PARN: variants seen among roughly 807,000 people sequenced by gnomAD.
The protein encoded by PARN is poly(A)-specific ribonuclease, also known as poly(A)-specific ribonuclease PARN.
PARN carries 71 observed loss-of-function variants against 102.8 expected under a neutral mutation model. That is an observed-to-expected ratio of 0.69 (90% CI 0.57 to 0.84). PARN has a LOEUF of 0.84. PARN is among the 40% of genes least tolerant of loss of function. The probability of loss-of-function intolerance (pLI) is 0.00; values close to 1 mark genes in which losing one functional copy is unlikely to be tolerated. For synonymous variants in PARN, 261 were observed against 252.9 expected (o/e 1.03, Z -0.30); for missense variants, 782 against 760.9 (o/e 1.03, Z -0.33).
intron 21 of PARN, among the ~76,000 whole-genome samples, chr16:14,487,872 G>C (rs182289417): frequency 2.0e-5 from 3 of 151,976 alleles, no homozygotes; most frequent in Non-Finnish European, 4.4e-5. Flanking sequence ...CACCAAAGAC[G>C]GTCACTTTAT....
chr16:14,541,656 T>C (rs978006645), intron 21 of PARN, among the ~76,000 whole-genome samples: 10 of 152,030 alleles, frequency 6.6e-5, no homozygotes, highest in African/African-American at 1.9e-4. Flanking sequence ...TTCTATTTTT[T>C]AGTAGAGACG....
chr16:14,615,502 T>G (rs986648590), intron 6 of PARN, among the ~76,000 whole-genome samples: 6 of 152,140 alleles, frequency 3.9e-5, no homozygotes, highest in Non-Finnish European at 7.4e-5. Flanking sequence ...GCTCTGCTGG[T>G]TCAGTCACTA....
intron 5 of PARN, among the ~76,000 whole-genome samples, chr16:14,619,179 A>C (rs1334769898): frequency 6.6e-6 from 1 of 152,066 alleles, no homozygotes; most frequent in Non-Finnish European, 1.5e-5. Context: ...CTCCAGCCTG[A>C]GTGACAAAGT....
At chr16:14,511,658 C>G (rs749852313) in intron 21 of PARN, among the ~76,000 whole-genome samples, 3 of 151,972 alleles carry the variant, frequency 2.0e-5, no homozygotes, top group Non-Finnish European at 2.9e-5. Flanking sequence ...CCATGTATAC[C>G]CGAAAGGTTA....
At chr16:14,477,952 G>A (rs1165435404) in intron 22 of PARN, among the ~76,000 whole-genome samples, 1 of 152,148 alleles carries the variant, frequency 6.6e-6, no homozygotes, top group Non-Finnish European at 1.5e-5. Context: ...ATACTTCATA[G>A]CCAAGTGGGA....
rs568136699 is a variant in PARN, at chr16:14,626,107, GT to G, written c.327+998del. ...TCTCTTCTCCTCAAGAGAAACAGTA[GT>G]TTTTTTTTCTACCCCCCTTTCCTAA... On this transcript the variant is annotated intron_variant, in intron 5 of 23. Transcript: ENST00000437198. 8.4e-4 allele frequency among the ~76,000 whole-genome samples: 128 copies of G among 151,686 alleles called. 1 individual carries two copies. Among genetic ancestry groups the G allele is most frequent in the East Asian group, 7.7e-3 (40 of 5,178 alleles).
At chr16:14,455,364 T>G (rs1961630983) in intron 22 of PARN, among the ~76,000 whole-genome samples, 1 of 152,194 alleles carries the variant, frequency 6.6e-6, no homozygotes. Flanking sequence ...TTTTCCTAAT[T>G]CAAATTTTAT....
intron 18 of PARN, among the ~76,000 whole-genome samples, chr16:14,560,813 T>A (rs961503847): frequency 6.6e-6 from 1 of 152,190 alleles, no homozygotes; most frequent in Non-Finnish European, 1.5e-5. Flanking sequence ...CCATTACCCA[T>A]GTGCTGGGTG....
chr16:14,610,746 G>T lies in PARN; in HGVS notation c.452C>A (p.Ser151Ter). 1 of 1,609,454 alleles carries T rather than the reference G, an allele frequency of 6.2e-7. No homozygotes were observed. Among genetic ancestry groups the T allele is most frequent in the Non-Finnish European group, 8.5e-7 (1 of 1,175,794 alleles). Residue 151 changes from serine (S) to a stop codon, truncating the protein, a stop_gained, in exon 7 of 24, where the codon TCA (serine) becomes TAA (stop). Transcript: ENST00000437198. LOFTEE classifies it high-confidence loss of function. The stretch of plus-strand genomic sequence containing the variant: ...CAGAGCTCCTGCACCATTCGCCTGT[G>T]AACGTTTTTCATCATACTGCTCTCT... Reference protein sequence around the residue: ...QLREQYDEKRSQANGAGALSY... With the variant: ...QLREQYDEKR
chr16:14,535,411 G>A (rs1307926507), intron 21 of PARN, among the ~76,000 whole-genome samples: 1 of 152,158 alleles, frequency 6.6e-6, no homozygotes, highest in Non-Finnish European at 1.5e-5. Flanking sequence ...TCTAAGAAAA[G>A]ACAAGTTGTA....
At chr16:14,598,862 T>C (rs1970694912) in intron 12 of PARN, among the ~76,000 whole-genome samples, 1 of 152,060 alleles carries the variant, frequency 6.6e-6, no homozygotes, top group African/African-American at 2.4e-5. Context: ...GCTTCCCTGA[T>C]GCAAAGTTCA....
At chr16:14,533,562 C>G (rs1396890714) in intron 21 of PARN, among the ~76,000 whole-genome samples, 2 of 152,048 alleles carry the variant, frequency 1.3e-5, no homozygotes, top group Non-Finnish European at 2.9e-5. Flanking sequence ...CCCGCTGCCC[C>G]ACAGCTGCTC....
At chr16:14,546,500 A>G (rs942597581) in intron 21 of PARN, among the ~76,000 whole-genome samples, 1 of 152,214 alleles carries the variant, frequency 6.6e-6, no homozygotes, top group Non-Finnish European at 1.5e-5. Flanking sequence ...TGCCTCTTCT[A>G]AAGTGTCTTT....
At position 14,457,934 on chromosome 16, in the gene PARN, G is replaced by T. The variant is rs1157198915; in HGVS notation, c.1671-10853C>A. ...TGTGTGTGGGGGTGTGTGTGTGGGT[G>T]TGTGTGTGTGTGTGAGAGAGAGAGA... On this transcript the variant is annotated intron_variant, in intron 22 of 23. Transcript: ENST00000437198. 1.1e-4 allele frequency among the ~76,000 whole-genome samples: 17 copies of T among 150,332 alleles called. No homozygotes were observed. In the South Asian group the frequency reaches 3.6e-3, roughly 32 times the overall value.
At chr16:14,621,684 G>A (rs1166817153) in intron 5 of PARN, among the ~76,000 whole-genome samples, 4 of 151,746 alleles carry the variant, frequency 2.6e-5, no homozygotes, top group African/African-American at 4.8e-5. Context: ...TGGTGGCAGC[G>A]CCTGTAGTCC....
At chr16:14,586,056 TGCAACCTGGACCTCCTGGGTTCAA>T (rs1969835965) in intron 14 of PARN, among the ~76,000 whole-genome samples, 1 of 150,512 alleles carries the variant, frequency 6.6e-6, no homozygotes, top group Admixed American at 6.7e-5. Flanking sequence ...TATGGCTCAC[TGCAACCTGGACCTCCTGGGTTCAA>T]GCAATTCGCC....
At chr16:14,575,959 G>C (rs529763337) in intron 18 of PARN, 1 of 152,588 alleles carries the variant, frequency 6.6e-6, no homozygotes, top group Non-Finnish European at 1.5e-5. Flanking sequence ...TTAAAAATGG[G>C]AGTGTCCCTG....
intron 21 of PARN, 71 bp from the exon 22 acceptor site, chr16:14,482,898 A>C: frequency 3.7e-6 from 5 of 1,354,422 alleles, no homozygotes; most frequent in Non-Finnish European, 5.0e-6. Flanking sequence ...ACACTTTTGA[A>C]ATGTGGCCTA....
chr16:14,568,442 TAAA>T (rs35069693), intron 18 of PARN, among the ~76,000 whole-genome samples: 1 of 137,000 alleles, frequency 7.3e-6, no homozygotes, highest in Non-Finnish European at 1.6e-5. Context: ...ATGAAAAACT[TAAA>T]AAAAAAAAAA....
Sources: allele counts gnomAD v4.1 joint callset (sites outside exome capture counted in the v4.1 genomes callset), GRCh38; gene constraint gnomAD v4.1.1; transcripts MANE v1.5; gene names NCBI Gene and HGNC (gene_info 2026-07-23, HGNC 2026-07-21).